Variants in CA10 observed in about 807,000 individuals in gnomAD.
CA10 encodes the protein carbonic anhydrase-related protein 10.
CA10 carries 14 observed loss-of-function variants against 44.2 expected under a neutral mutation model. That is an observed-to-expected ratio of 0.32 (90% CI 0.21 to 0.50). The LOEUF (loss-of-function observed/expected upper bound fraction) is 0.50, where lower values mean the gene tolerates loss of function less well. CA10 is among the 20% of genes least tolerant of loss of function. The pLI, the probability that CA10 is intolerant of heterozygous loss-of-function variation, is 0.99. For synonymous variants in CA10, 159 were observed against 141.6 expected, an observed-to-expected ratio of 1.12 and a Z score of -0.87; for missense variants, 350 against 409.7, an observed-to-expected ratio of 0.85 and a Z score of 1.26.
At chr17:51,994,781 T>C (rs1985170352) in intron 2 of CA10, among the ~76,000 whole-genome samples, 1 of 151,978 alleles carries the variant, frequency 6.6e-6, no homozygotes, top group Non-Finnish European at 1.5e-5. Flanking sequence ...GTTACTCAAG[T>C]ATGGACTTCC....
intron 1 of CA10, among the ~76,000 whole-genome samples, chr17:52,105,237 G>A (rs1988632283): frequency 1.4e-5 from 2 of 145,730 alleles, no homozygotes; most frequent in South Asian, 4.4e-4. Context: ...TCAGACCCAG[G>A]TTCAAATCCT....
chr17:51,775,121 C>T (rs1905770021), intron 3 of CA10, among the ~76,000 whole-genome samples: 1 of 152,130 alleles, frequency 6.6e-6, no homozygotes, highest in Non-Finnish European at 1.5e-5. Flanking sequence ...GAGGGGCATA[C>T]TTCTGAGACT....
intron 6 of CA10, among the ~76,000 whole-genome samples, chr17:51,643,992 G>A (rs1269228568): frequency 1.3e-5 from 2 of 152,142 alleles, no homozygotes; most frequent in Non-Finnish European, 2.9e-5. Flanking sequence ...TAGGAGCCCA[G>A]ATCTCTCTTC....
intron 2 of CA10, among the ~76,000 whole-genome samples, chr17:51,942,252 C>T (rs1365274575): frequency 1.3e-5 from 2 of 151,954 alleles, no homozygotes; most frequent in African/African-American, 4.8e-5. Flanking sequence ...CATGAGACAT[C>T]AGGAGAAATA....
chr17:51,683,534 C>T (rs1914913036), intron 4 of CA10, among the ~76,000 whole-genome samples: 2 of 152,172 alleles, frequency 1.3e-5, no homozygotes, highest in African/African-American at 4.8e-5. Context: ...TTATCCATTC[C>T]TGATGGAGTT....
chr17:51,992,212 A>T (rs1333468893), intron 2 of CA10, among the ~76,000 whole-genome samples: 2 of 151,832 alleles, frequency 1.3e-5, no homozygotes, highest in African/African-American at 4.8e-5. Context: ...GCTTTACTAT[A>T]AAAAAAAGGA....
At chr17:51,939,228 A>C (rs1982984561) in intron 2 of CA10, among the ~76,000 whole-genome samples, 1 of 152,110 alleles carries the variant, frequency 6.6e-6, no homozygotes. Flanking sequence ...GTCCATACTA[A>C]TAGAGCTTCT....
intron 3 of CA10, among the ~76,000 whole-genome samples, chr17:51,797,388 C>A (rs1906755000): frequency 1.3e-5 from 2 of 152,198 alleles, no homozygotes; most frequent in African/African-American, 4.8e-5. Context: ...ACCCCGCCCT[C>A]CACTAACTCA....
At chr17:51,880,172 C>T (rs562129012) in intron 3 of CA10, among the ~76,000 whole-genome samples, 2 of 152,320 alleles carry the variant, frequency 1.3e-5, no homozygotes, top group African/African-American at 4.8e-5. Flanking sequence ...CCTCTTCCAG[C>T]AGAAACCGTA....
chr17:51,709,798 T>C lies in CA10; in HGVS notation c.465+37835A>G, dbSNP rs373747565. Among the ~76,000 whole-genome samples, 205 of 152,288 alleles carry C rather than the reference T, an allele frequency of 1.3e-3. 1 individual carries two copies. The highest frequency in any genetic ancestry group is 4.5e-3 in the African/African-American group (189 of 41,552). ...GATTATATTCGCTTAGGTGAGCTGG[T>C]GAGCATGTCACAGATCTAGAGCTGG... On this transcript the variant is annotated intron_variant, in intron 4 of 8. Coordinates refer to ENST00000451037, the MANE Select transcript of CA10 (RefSeq NM_020178.5).
intron 3 of CA10, among the ~76,000 whole-genome samples, chr17:51,791,723 G>C (rs1906524178): frequency 1.3e-5 from 2 of 152,058 alleles, no homozygotes; most frequent in Admixed American, 6.5e-5. Context: ...ATGGTACTGT[G>C]GTGGAATCAG....
chr17:51,694,721 A>G (rs1258593616), intron 4 of CA10, among the ~76,000 whole-genome samples: 1 of 152,092 alleles, frequency 6.6e-6, no homozygotes, highest in Non-Finnish European at 1.5e-5. Context: ...TTCATAAACT[A>G]TATCCCAAGG....
chr17:51,897,927 C>T (rs1981143321), intron 3 of CA10, among the ~76,000 whole-genome samples: 1 of 152,114 alleles, frequency 6.6e-6, no homozygotes. Context: ...TATCATGAAA[C>T]TCTGCTGAAG....
intron 1 of CA10, among the ~76,000 whole-genome samples, chr17:52,125,574 T>A (rs927667909): frequency 1.3e-5 from 2 of 152,210 alleles, no homozygotes; most frequent in African/African-American, 2.4e-5. Context: ...ATGTAAATCT[T>A]AACTCATCTG....
At chr17:52,008,783 A>AT (rs1985688513) in intron 2 of CA10, among the ~76,000 whole-genome samples, 1 of 151,864 alleles carries the variant, frequency 6.6e-6, no homozygotes, top group South Asian at 2.1e-4. Flanking sequence ...ATCCAAGCTT[A>AT]TTTTTTGATC....
chr17:52,090,944 C>G (rs1598209579), intron 1 of CA10, among the ~76,000 whole-genome samples: 1 of 152,066 alleles, frequency 6.6e-6, no homozygotes, highest in East Asian at 1.9e-4. Context: ...TAAATAGCTG[C>G]TGACTACACA....
At chr17:51,718,746 G>A (rs1490667399) in intron 4 of CA10, among the ~76,000 whole-genome samples, 1 of 152,192 alleles carries the variant, frequency 6.6e-6, no homozygotes, top group African/African-American at 2.4e-5. Flanking sequence ...CAAGTAGATA[G>A]TGTCAGAATT....
At chr17:51,810,768 A>T (rs1907329637) in intron 3 of CA10, among the ~76,000 whole-genome samples, 1 of 152,188 alleles carries the variant, frequency 6.6e-6, no homozygotes, top group Non-Finnish European at 1.5e-5. Context: ...GTTGAGAAAA[A>T]GTGGCCCCTT....
At chr17:52,002,668 A>C (rs1985464736) in intron 2 of CA10, among the ~76,000 whole-genome samples, 1 of 151,970 alleles carries the variant, frequency 6.6e-6, no homozygotes, top group African/African-American at 2.4e-5. Context: ...GGGAGAAGGA[A>C]TCAAGTTCTC....
Sources: allele counts gnomAD v4.1 joint callset (sites outside exome capture counted in the v4.1 genomes callset), GRCh38; gene constraint gnomAD v4.1.1; transcripts MANE v1.5; gene names NCBI Gene and HGNC (gene_info 2026-07-23, HGNC 2026-07-21).